Variants in CTNNA2 observed in about 807,000 individuals in gnomAD.
CTNNA2 encodes catenin alpha-2.
Under a neutral mutation model 101.0 loss-of-function variants are expected in CTNNA2, and 42 were observed. The ratio of observed to expected loss-of-function variants is 0.42; its 90% CI spans 0.32 to 0.54. The LOEUF (loss-of-function observed/expected upper bound fraction) is 0.54. Among genes scored for constraint, CTNNA2 ranks in the 20% least tolerant of loss-of-function variants. CTNNA2 has a pLI of 0.14. For synonymous variants in CTNNA2, 450 were observed against 456.4 expected, an observed-to-expected ratio of 0.99 and a Z score of 0.18; for missense variants, 871 against 1,223.1, an observed-to-expected ratio of 0.71 and a Z score of 4.29.
intron 2 of CTNNA2, among the ~76,000 whole-genome samples, chr2:79,720,290 C>G (rs1686395524): frequency 6.6e-6 from 1 of 152,122 alleles, no homozygotes; most frequent in Non-Finnish European, 1.5e-5. Context: ...GGTTTGGTTA[C>G]TATAGCCTTA....
chr2:80,642,479 G>C (rs922737963), intron 18 of CTNNA2, among the ~76,000 whole-genome samples: 1 of 152,194 alleles, frequency 6.6e-6, no homozygotes, highest in Non-Finnish European at 1.5e-5. Flanking sequence ...TTGGCAGAAA[G>C]TATTCAGTAG....
rs917732911 is a variant in CTNNA2 at position 79,673,965 on chromosome 2, A to G, written c.102+22307A>G. On this transcript the variant is annotated intron_variant, in intron 2 of 18. Transcript: ENST00000402739. ...ACTATTTATTGAACTTCAAACATGC[A>G]TAGATCTGTGTTGGAAGTTGTGAGG... 3.3e-5 allele frequency among the ~76,000 whole-genome samples: 5 copies of G among 152,192 alleles called. No individual in the cohort carries two copies. The South Asian group carries it at 8.3e-4, about 25-fold the overall frequency.
At chr2:80,604,249 GT>G in intron 16 of CTNNA2, 70 bp downstream of exon 16, 1 of 1,164,262 alleles carries the variant, frequency 8.6e-7, no homozygotes, top group Non-Finnish European at 1.3e-6. Flanking sequence ...TTTGTAACTA[GT>G]TTTATGCACC....
At chr2:79,965,925 A>G (rs1433101266) in intron 7 of CTNNA2, among the ~76,000 whole-genome samples, 1 of 151,880 alleles carries the variant, frequency 6.6e-6, no homozygotes, top group Non-Finnish European at 1.5e-5. Flanking sequence ...AATAATCAAG[A>G]TATTGGTATC....
Position 79,196,356 on chromosome 2 carries a change from A to C in CTNNA2, c.-523-1603A>C, listed in dbSNP as rs575776259. Among the ~76,000 whole-genome samples the C allele has an allele frequency of 6.6e-5, 10 of 152,196 alleles. No homozygotes were observed. In the South Asian group the frequency reaches 2.1e-3, roughly 32 times the overall value. On this transcript the variant is annotated intron_variant, in intron 1 of 21. Coordinates refer to the CTNNA2 transcript ENST00000466387. Reference sequence around the variant, plus strand: ...GTAGTGATTTTTTACTTCCTCACTCACCCCAACCTGCCATTGAAAAAAATC... The same window carrying C: ...GTAGTGATTTTTTACTTCCTCACTCCCCCCAACCTGCCATTGAAAAAAATC...
At chr2:79,211,797 T>C (rs1409775848) in intron 2 of CTNNA2, among the ~76,000 whole-genome samples, 1 of 152,014 alleles carries the variant, frequency 6.6e-6, no homozygotes, top group African/African-American at 2.4e-5. Flanking sequence ...TAAAATGAAA[T>C]AGTGGTTAAG....
chr2:79,740,158 C>T (rs545259520), intron 2 of CTNNA2, among the ~76,000 whole-genome samples: 1 of 152,102 alleles, frequency 6.6e-6, no homozygotes, highest in Non-Finnish European at 1.5e-5. Context: ...GATTCTCTCC[C>T]TCCTCCCAAC....
intron 7 of CTNNA2, among the ~76,000 whole-genome samples, chr2:80,392,357 T>G (rs2149365707): frequency 6.6e-6 from 1 of 152,268 alleles, no homozygotes; most frequent in South Asian, 2.1e-4. Context: ...TTTGACAAGG[T>G]TTTTGAAAAC....
chr2:79,671,934 C>T (rs865798514), intron 2 of CTNNA2, among the ~76,000 whole-genome samples: 1 of 152,182 alleles, frequency 6.6e-6, no homozygotes, highest in African/African-American at 2.4e-5. Flanking sequence ...TATAGCGGAA[C>T]ATAAATAAGC....
intron 1 of CTNNA2, among the ~76,000 whole-genome samples, chr2:79,536,363 G>A (rs1184191845): frequency 6.6e-6 from 1 of 152,104 alleles, no homozygotes; most frequent in African/African-American, 2.4e-5. Flanking sequence ...GCACATTCAG[G>A]TTAATTCTCC....
At chr2:79,540,942 G>A (rs1231445404) in intron 1 of CTNNA2, among the ~76,000 whole-genome samples, 2 of 152,078 alleles carry the variant, frequency 1.3e-5, no homozygotes, top group African/African-American at 4.8e-5. Context: ...TTATTTAATA[G>A]CTATCGGATT....
intron 3 of CTNNA2, among the ~76,000 whole-genome samples, chr2:79,332,999 T>C (rs1676909910): frequency 6.6e-6 from 1 of 152,156 alleles, no homozygotes; most frequent in Non-Finnish European, 1.5e-5. Flanking sequence ...ACATTTGCTC[T>C]GGGAACAACA....
chr2:80,591,905 T>A (rs968786787), intron 15 of CTNNA2, among the ~76,000 whole-genome samples: 9 of 152,196 alleles, frequency 5.9e-5, no homozygotes, highest in Admixed American at 5.9e-4. Flanking sequence ...TCATGTCTTT[T>A]TCCCACTCAG....
At chr2:79,558,708 C>G (rs975210635) in intron 1 of CTNNA2, among the ~76,000 whole-genome samples, 2 of 151,804 alleles carry the variant, frequency 1.3e-5, no homozygotes, top group Non-Finnish European at 2.9e-5. Context: ...CTTTCTACAC[C>G]CTTTTAAAGT....
At chr2:80,090,669 T>G (rs776652151) in intron 7 of CTNNA2, among the ~76,000 whole-genome samples, 9 of 152,070 alleles carry the variant, frequency 5.9e-5, no homozygotes, top group Non-Finnish European at 5.9e-5. Flanking sequence ...AAGTTTATAT[T>G]AGAAAAGGTG....
chr2:79,582,910 C>A (rs561820082), intron 1 of CTNNA2, among the ~76,000 whole-genome samples: 18 of 152,190 alleles, frequency 1.2e-4, no homozygotes, highest in African/African-American at 4.3e-4. Flanking sequence ...TAGTTTCTTG[C>A]AGCCACAAAT....
At chr2:79,548,002 T>C (rs1237874099) in intron 1 of CTNNA2, 2 of 152,236 alleles carry the variant, frequency 1.3e-5, no homozygotes, top group African/African-American at 4.8e-5. Context: ...TGTTTGTCTT[T>C]TTATTTACAC....
At chr2:80,232,337 G>GTTTTTTTTTTTTTTTTAT (rs1188876238) in intron 7 of CTNNA2, among the ~76,000 whole-genome samples, 1 of 45,094 alleles carries the variant, frequency 2.2e-5, no homozygotes, top group Non-Finnish European at 3.4e-5. Flanking sequence ...TTGTTTGTTT[G>GTTTTTTTTTTTTTTTTAT]TTTGTTTGTT....
At chr2:80,109,270 C>T (rs1701069229) in intron 7 of CTNNA2, among the ~76,000 whole-genome samples, 1 of 151,776 alleles carries the variant, frequency 6.6e-6, no homozygotes, top group Admixed American at 6.6e-5. Flanking sequence ...GCCATCCTGG[C>T]CAACATGGTG....
Sources: allele counts gnomAD v4.1 joint callset (sites outside exome capture counted in the v4.1 genomes callset), GRCh38; gene constraint gnomAD v4.1.1; transcripts MANE v1.5; gene names NCBI Gene and HGNC (gene_info 2026-07-23, HGNC 2026-07-21).